Variants in TADA2A observed in about 807,000 individuals in gnomAD.
TADA2A encodes transcriptional adaptor 2A, also known as transcriptional adapter 2-alpha.
In TADA2A, 38 loss-of-function variants were observed where a neutral mutation model predicts 67.4. The observed-to-expected ratio is 0.56, with a 90% CI of 0.44 to 0.74. The LOEUF (loss-of-function observed/expected upper bound fraction) is 0.74, where lower values mean the gene tolerates loss of function less well. Among genes scored for constraint, TADA2A ranks in the 30% least tolerant of loss-of-function variants. The pLI is 0.00. For missense variants in TADA2A, 454 were observed against 547.0 expected (o/e 0.83, Z 1.70); for synonymous variants, 192 against 181.6 (o/e 1.06, Z -0.46).
intron 8 of TADA2A, among the ~76,000 whole-genome samples, chr17:37,446,132 TTCC>T (rs2053074541): frequency 6.6e-6 from 1 of 151,210 alleles, no homozygotes; most frequent in African/African-American, 2.4e-5. Context: ...CAACATTTTA[TTCC>T]TCCTTTTCTC....
At chr17:37,449,812 G>A (rs2053183350) in intron 8 of TADA2A, among the ~76,000 whole-genome samples, 1 of 152,044 alleles carries the variant, frequency 6.6e-6, no homozygotes, top group Admixed American at 6.6e-5. Context: ...TGTAGAGACA[G>A]GGTCTCACTA....
chr17:37,407,460 A>T (rs2051620044), intron 1 of TADA2A: 1 of 151,876 alleles, frequency 6.6e-6, no homozygotes, highest in Admixed American at 6.6e-5. Flanking sequence ...CCCAACGTGG[A>T]CTCCTGCCCG....
intron 8 of TADA2A, among the ~76,000 whole-genome samples, chr17:37,458,010 T>C (rs914273617): frequency 6.6e-6 from 1 of 152,222 alleles, no homozygotes; most frequent in Non-Finnish European, 1.5e-5. Flanking sequence ...GTTATACCGA[T>C]TATTGCATCA....
intron 7 of TADA2A, among the ~76,000 whole-genome samples, chr17:37,444,259 C>CAAAAAAAAAA (rs5820215): frequency 7.6e-6 from 1 of 132,082 alleles, no homozygotes; most frequent in Non-Finnish European, 1.6e-5. Flanking sequence ...ACCCTGTTTC[C>CAAAAAAAAAA]AAAAAAAAAA....
At chr17:37,413,294 G>C (rs533089498) in intron 2 of TADA2A, among the ~76,000 whole-genome samples, 139 of 152,274 alleles carry the variant, frequency 9.1e-4, no homozygotes, top group African/African-American at 3.2e-3. Context: ...AAATTTAGGA[G>C]AGAATGGAGT....
At chr17:37,461,353 G>GTAAAACT (rs1276700298) in intron 9 of TADA2A, among the ~76,000 whole-genome samples, 1 of 152,144 alleles carries the variant, frequency 6.6e-6, no homozygotes, top group African/African-American at 2.4e-5. Context: ...CTGATCTAAA[G>GTAAAACT]TAAAACTTAC....
chr17:37,423,654 T>C, intron 3 of TADA2A, 39 bp downstream of exon 3: 1 of 1,466,814 alleles, frequency 6.8e-7, no homozygotes, highest in Non-Finnish European at 9.4e-7. Flanking sequence ...CCTAGTTTTA[T>C]GCTATTTTTT....
intron 9 of TADA2A, among the ~76,000 whole-genome samples, chr17:37,459,856 A>G (rs541661970): frequency 6.6e-6 from 1 of 151,266 alleles, no homozygotes; most frequent in African/African-American, 2.4e-5. Flanking sequence ...ACCTGAGGTC[A>G]GGAGTTCAAG....
At chr17:37,470,369 A>C in intron 12 of TADA2A, 31 bp from the exon 13 acceptor site, 1 of 1,612,910 alleles carries the variant, frequency 6.2e-7, no homozygotes, top group East Asian at 2.2e-5. Context: ...CTGCATTGTC[A>C]TTGTGGTCAT....
Position 37,476,824 on chromosome 17 carries a change from GGA to G in TADA2A, c.1176_1177del (p.Ala393LeufsTer13). 2 of 1,613,740 alleles carry G rather than the reference GGA, an allele frequency of 1.2e-6. No homozygotes were observed. On this transcript the variant is annotated frameshift_variant, in exon 16 of 16. Coordinates refer to ENST00000615182, the MANE Select transcript of TADA2A (RefSeq NM_001166105.3). LOFTEE classifies it high-confidence loss of function. ...ELCQMVRLVP[G>X]AYLEYKSALL... Reference sequence around the variant, plus strand: ...CTGTCAGATGGTGAGGTTGGTCCCTGGAGCCTATTTAGAATACAAATCTGCTC... The same window carrying G: ...CTGTCAGATGGTGAGGTTGGTCCCTGGCCTATTTAGAATACAAATCTGCTC...
At chr17:37,462,501 A>C (rs1311642560) in intron 10 of TADA2A, among the ~76,000 whole-genome samples, 1 of 152,068 alleles carries the variant, frequency 6.6e-6, no homozygotes, top group Non-Finnish European at 1.5e-5. Context: ...GCGTGGCGGC[A>C]TGCACCTGCA....
intron 2 of TADA2A, among the ~76,000 whole-genome samples, chr17:37,413,039 G>A (rs971981987): frequency 2.6e-5 from 4 of 151,650 alleles, no homozygotes; most frequent in Admixed American, 6.6e-5. Context: ...GCAATTCTCC[G>A]TCTCAGCCTC....
At chr17:37,420,049 C>G (rs543040022) in intron 2 of TADA2A, among the ~76,000 whole-genome samples, 1 of 146,040 alleles carries the variant, frequency 6.8e-6, no homozygotes, top group East Asian at 2.2e-4. Context: ...TGGCTGATGC[C>G]TTTTTTAAAA....
intron 11 of TADA2A, among the ~76,000 whole-genome samples, chr17:37,466,678 A>T (rs967273043): frequency 3.9e-5 from 6 of 152,114 alleles, no homozygotes; most frequent in Non-Finnish European, 8.8e-5. Flanking sequence ...GTACCAGGTG[A>T]CTGATCCTTT....
chr17:37,426,910 G>A, intron 3 of TADA2A, 40 bp from the exon 4 acceptor site: 1 of 1,562,136 alleles, frequency 6.4e-7, no homozygotes, highest in Middle Eastern at 1.7e-4. Context: ...TGTCCTTTAA[G>A]AAAGTAGCTT....
intron 1 of TADA2A, among the ~76,000 whole-genome samples, chr17:37,409,987 G>A (rs1291759664): frequency 2.6e-5 from 4 of 152,078 alleles, no homozygotes; most frequent in African/African-American, 9.7e-5. Context: ...CCAACATGGT[G>A]AAACCCTGTC....
rs1408932730 is a variant in TADA2A at position 37,458,601 on chromosome 17, A to C, written c.668+14A>C. The C allele has an allele frequency of 6.2e-7, 1 of 1,610,114 alleles. No homozygotes were observed. The highest frequency in any genetic ancestry group is 1.3e-5 in the African/African-American group (1 of 74,664). Reference sequence around the variant, plus strand: ...AAGACGAAAAAAGTAAGTATAAAAAACCATCCTGGCCTCCTTTCAGCTTTG... The same window carrying C: ...AAGACGAAAAAAGTAAGTATAAAAACCCATCCTGGCCTCCTTTCAGCTTTG... On this transcript the variant is annotated intron_variant, in intron 9 of 15. Transcript: ENST00000615182.
intron 3 of TADA2A, 97 bp downstream of exon 3, chr17:37,423,712 G>A (rs7501983): frequency 0.69 from 598,897 of 869,844 alleles, 209,922 homozygotes; most frequent in East Asian, 0.95. Context: ...GGAGATCTAT[G>A]TCTTATTAAA....
chr17:37,432,742 A>G (rs548650604), intron 4 of TADA2A, among the ~76,000 whole-genome samples: 58 of 152,290 alleles, frequency 3.8e-4, no homozygotes, highest in African/African-American at 1.3e-3. Flanking sequence ...GTCATAGAGT[A>G]AATGATTGTT....
Sources: gnomAD v4.1 joint callset for allele counts (sites outside exome capture counted in the v4.1 genomes callset) on GRCh38, gnomAD v4.1.1 for gene constraint, MANE v1.5 for transcripts, NCBI Gene and HGNC (gene_info 2026-07-23, HGNC 2026-07-21) for gene names.